The following NELL1 variants were observed in gnomAD, a reference collection of about 807,000 sequenced individuals.
NELL1 encodes neural EGFL like 1.
Under a neutral mutation model 107.4 loss-of-function variants are expected in NELL1, and 76 were observed. That is an observed-to-expected ratio of 0.71 (90% CI 0.59 to 0.86). The LOEUF (loss-of-function observed/expected upper bound fraction) is 0.86. NELL1 is among the 40% of genes least tolerant of loss of function. The pLI, the probability that NELL1 is intolerant of heterozygous loss-of-function variation, is 0.00. For synonymous variants in NELL1, 353 were observed against 341.2 expected, an observed-to-expected ratio of 1.03 and a Z score of -0.38; for missense variants, 1,024 against 1,005.5, an observed-to-expected ratio of 1.02 and a Z score of -0.25.
chr11:21,036,037 G>A (rs1280691905), intron 12 of NELL1, among the ~76,000 whole-genome samples: 1 of 152,114 alleles, frequency 6.6e-6, no homozygotes, highest in Non-Finnish European at 1.5e-5. Context: ...CTTCAGCAAA[G>A]TCTCAGGATA....
Position 20,919,202 on chromosome 11 carries a change from C to T in NELL1, c.677-50C>T, listed in dbSNP as rs777586494. On this transcript the variant is annotated intron_variant, in intron 6 of 19. Coordinates refer to ENST00000357134, the MANE Select transcript of NELL1 (RefSeq NM_006157.5). ...TATCTACTGTTTTAAAATTTTATTT[C>T]TTATATTAGCACAATATAAATATAT... is the stretch of plus-strand genomic sequence containing the variant. 4.3e-6 allele frequency: 5 copies of T among 1,164,764 alleles called. No individual in the cohort carries two copies. In the East Asian group the frequency reaches 1.1e-4, roughly 25 times the overall value. The allele number at this position is 1,164,764 out of a possible 1,614,324, so 72.2% of individuals were successfully genotyped here. A position where few individuals can be genotyped will look rare whatever the true frequency, so the allele number is the denominator to read the frequency against.
intron 13 of NELL1, among the ~76,000 whole-genome samples, chr11:21,226,140 T>C (rs1857887187): frequency 1.3e-5 from 2 of 152,208 alleles, no homozygotes; most frequent in African/African-American, 2.4e-5. Flanking sequence ...GCTGTCTCTA[T>C]TAAACACAGT....
At chr11:20,702,706 G>A (rs1854827517) in intron 2 of NELL1, among the ~76,000 whole-genome samples, 1 of 152,174 alleles carries the variant, frequency 6.6e-6, no homozygotes, top group Non-Finnish European at 1.5e-5. Context: ...TTTATTGAGA[G>A]ATTTTAGCAT....
chr11:20,791,783 C>A (rs939662676), intron 3 of NELL1, among the ~76,000 whole-genome samples: 3 of 131,616 alleles, frequency 2.3e-5, no homozygotes, highest in Non-Finnish European at 4.7e-5. Flanking sequence ...TTGGAGAAGT[C>A]TCTTTCTATT....
At chr11:20,973,196 C>CCT in intron 12 of NELL1, among the ~76,000 whole-genome samples, 1 of 151,050 alleles carries the variant, frequency 6.6e-6, no homozygotes, top group East Asian at 2.0e-4. Context: ...GCAACCTCCA[C>CCT]CTCCTGGGTT....
chr11:20,863,489 C>T (rs1218456309), intron 4 of NELL1, among the ~76,000 whole-genome samples: 8 of 140,218 alleles, frequency 5.7e-5, no homozygotes, highest in Non-Finnish European at 1.1e-4. Context: ...GGCAGAGACG[C>T]TCCTCACCTC....
At position 20,895,504 on chromosome 11, in the gene NELL1, C is replaced by CTT. The variant is rs71063675; in HGVS notation, c.603+9982_603+9983dup. On this transcript the variant is annotated intron_variant, in intron 5 of 19. Transcript: ENST00000357134. Reference sequence around the variant, plus strand: ...ATAAGTGAGAACATGTGATATTTGCCTTTTTTTTTTTTTTTTTTTGAGACG... The same window carrying CTT: ...ATAAGTGAGAACATGTGATATTTGCCTTTTTTTTTTTTTTTTTTTTTGAGACG... Among the ~76,000 whole-genome samples, 570 of 100,012 alleles carry CTT rather than the reference C, an allele frequency of 5.7e-3. 29 individuals carry two copies. The highest frequency in any genetic ancestry group is 0.015 in the African/African-American group (449 of 28,990). 65.6% of individuals were successfully genotyped at this position (100,012 alleles called of 152,430 possible). A position where few individuals can be genotyped will look rare whatever the true frequency, so the allele number is the denominator to read the frequency against.
At chr11:21,496,180 T>A (rs943386073) in intron 15 of NELL1, among the ~76,000 whole-genome samples, 2 of 151,934 alleles carry the variant, frequency 1.3e-5, no homozygotes, top group Admixed American at 1.3e-4. Context: ...TTGTAGTAAT[T>A]TATATTTTTT....
At position 21,477,863 on chromosome 11, in the gene NELL1, TATA is replaced by T. The variant is rs200557256; in HGVS notation, c.1646-56503_1646-56501del. Among the ~76,000 whole-genome samples, 528 of 148,176 alleles carry T rather than the reference TATA, an allele frequency of 3.6e-3. 5 individuals carry two copies. The highest frequency in any genetic ancestry group is 0.012 in the African/African-American group (506 of 40,910). On this transcript the variant is annotated intron_variant, in intron 15 of 19. Transcript: ENST00000357134. ...AAATAAAAATTATAATAAAGTTATT[TATA>T]ATAATAAATAAATTATAATAAATAA...
chr11:21,114,609 G>A (rs2133730884), intron 13 of NELL1, among the ~76,000 whole-genome samples: 1 of 151,742 alleles, frequency 6.6e-6, no homozygotes, highest in African/African-American at 2.4e-5. Context: ...AAAAGTTAAG[G>A]GCACATGTTA....
intron 14 of NELL1, among the ~76,000 whole-genome samples, chr11:21,301,451 A>T (rs183480117): frequency 6.6e-6 from 1 of 151,074 alleles, no homozygotes; most frequent in Non-Finnish European, 1.5e-5. Flanking sequence ...CTGGCATGCA[A>T]TGGTATCTCA....
At chr11:20,897,548 A>G (rs1413548234) in intron 5 of NELL1, among the ~76,000 whole-genome samples, 1 of 152,210 alleles carries the variant, frequency 6.6e-6, no homozygotes, top group Non-Finnish European at 1.5e-5. Context: ...AATGGCAACA[A>G]AAGCCAAAAT....
At chr11:21,005,884 G>C (rs978351379) in intron 12 of NELL1, among the ~76,000 whole-genome samples, 3 of 152,092 alleles carry the variant, frequency 2.0e-5, no homozygotes, top group Admixed American at 2.0e-4. Flanking sequence ...CACTGGTATA[G>C]CAAAGTAGCA....
chr11:20,771,397 C>G (rs1275722946), intron 2 of NELL1, among the ~76,000 whole-genome samples: 1 of 152,164 alleles, frequency 6.6e-6, no homozygotes, highest in Non-Finnish European at 1.5e-5. Flanking sequence ...TGAAGTTGGA[C>G]CAATTTCCCA....
intron 15 of NELL1, among the ~76,000 whole-genome samples, chr11:21,422,648 T>C (rs1348026862): frequency 6.6e-6 from 1 of 152,158 alleles, no homozygotes; most frequent in African/African-American, 2.4e-5. Context: ...GGATGTTAAA[T>C]GTAATACTTA....
chr11:20,714,671 T>C, intron 2 of NELL1, among the ~76,000 whole-genome samples: 1 of 152,052 alleles, frequency 6.6e-6, no homozygotes, highest in African/African-American at 2.4e-5. Context: ...CACAGGCATG[T>C]GCCACCACAC....
intron 14 of NELL1, among the ~76,000 whole-genome samples, chr11:21,258,223 T>G (rs2133918979): frequency 6.6e-6 from 1 of 152,132 alleles, no homozygotes; most frequent in East Asian, 1.9e-4. Flanking sequence ...AGGGAAAATC[T>G]TTTCCTCCAG....
intron 15 of NELL1, among the ~76,000 whole-genome samples, chr11:21,381,833 TG>T (rs1851614968): frequency 6.6e-6 from 1 of 151,178 alleles, no homozygotes; most frequent in African/African-American, 2.4e-5. Flanking sequence ...AGTTCTGCTC[TG>T]GGGAAAGACT....
At chr11:21,328,289 G>A (rs1850191590) in intron 14 of NELL1, among the ~76,000 whole-genome samples, 1 of 152,118 alleles carries the variant, frequency 6.6e-6, no homozygotes, top group Non-Finnish European at 1.5e-5. Context: ...AGGGGCCGAT[G>A]TACAGTTCAG....
Sources: gnomAD v4.1 joint callset for allele counts (sites outside exome capture counted in the v4.1 genomes callset) on GRCh38, gnomAD v4.1.1 for gene constraint, MANE v1.5 for transcripts, NCBI Gene and HGNC (gene_info 2026-07-23, HGNC 2026-07-21) for gene names.